The following INAVA variants were observed in gnomAD, a reference collection of about 807,000 sequenced individuals.
The protein encoded by INAVA is innate immunity activator protein.
In INAVA, 32 loss-of-function variants were observed where a neutral mutation model predicts 55.3. The ratio of observed to expected loss-of-function variants is 0.58; its 90% CI spans 0.44 to 0.78. INAVA has a LOEUF of 0.78. Among genes scored for constraint, INAVA ranks in the 30% least tolerant of loss-of-function variants. INAVA has a pLI of 0.00. For synonymous variants in INAVA, 294 were observed against 329.4 expected, an observed-to-expected ratio of 0.89 and a Z score of 1.16; for missense variants, 756 against 786.4, an observed-to-expected ratio of 0.96 and a Z score of 0.46.
At chr1:200,896,022 GCAGT>G (rs1668342020) in intron 1 of INAVA, among the ~76,000 whole-genome samples, 1 of 152,088 alleles carries the variant, frequency 6.6e-6, no homozygotes, top group African/African-American at 2.4e-5. Flanking sequence ...TTTGATGCTG[GCAGT>G]CAGAGACTGG....
chr1:200,896,169 C>T (rs1668346800), intron 1 of INAVA, among the ~76,000 whole-genome samples: 1 of 152,152 alleles, frequency 6.6e-6, no homozygotes, highest in African/African-American at 2.4e-5. Flanking sequence ...GCCCAACTTT[C>T]CAAGGCAACT....
chr1:200,895,466 C>A (rs972625641), intron 1 of INAVA, among the ~76,000 whole-genome samples: 6 of 151,826 alleles, frequency 4.0e-5, no homozygotes, highest in Non-Finnish European at 8.8e-5. Flanking sequence ...GGACATTGTT[C>A]AGCCGGGTGG....
rs909784014 is a variant in INAVA, at chr1:200,908,823, G to T, written c.668G>T (p.Gly223Val). 1 of 1,613,982 alleles carries T rather than the reference G, an allele frequency of 6.2e-7. No individual in the cohort carries two copies. The highest frequency in any genetic ancestry group is 8.5e-7 in the Non-Finnish European group (1 of 1,179,950). The change falls in exon 7 of 10, where the codon GGA becomes GTA. Residue 223 changes from glycine to valine, a missense_variant. By Grantham distance (109) the Gly-to-Val change is moderately radical. Coordinates refer to ENST00000413687, the MANE Select transcript of INAVA (RefSeq NM_001142569.3). ...ACCCTTGAGGGTCTGCAGCCAACAG[G>T]ACCTGAGGCTGGGAGCCCAGAACGG... ...PQTLEGLQPT[G>V]PEAGSPERAP...
chr1:200,905,997 ACTC>A (rs1305456004), intron 5 of INAVA, among the ~76,000 whole-genome samples: 2 of 152,004 alleles, frequency 1.3e-5, no homozygotes, highest in Admixed American at 1.3e-4. Flanking sequence ...ACGTTACTCA[ACTC>A]CTCTGAGACG....
At chr1:200,894,181 C>T (rs1558225599), upstream of INAVA, among the ~76,000 whole-genome samples, 1 of 152,080 alleles carries the variant, frequency 6.6e-6, no homozygotes, top group South Asian at 2.1e-4. Context: ...GACTTAGGGT[C>T]TGGGGTCACA....
intron 5 of INAVA, among the ~76,000 whole-genome samples, chr1:200,904,233 T>G (rs1041208212): frequency 2.0e-5 from 3 of 152,088 alleles, no homozygotes; most frequent in Non-Finnish European, 4.4e-5. Flanking sequence ...GGACTGCAGA[T>G]GCGTGCTGCC....
chr1:200,896,677 G>T (rs555509726), intron 1 of INAVA, among the ~76,000 whole-genome samples: 1 of 152,286 alleles, frequency 6.6e-6, no homozygotes. Flanking sequence ...TGTTTATGTA[G>T]GTCTATAAAA....
chr1:200,908,951 G>A lies in INAVA; in HGVS notation c.785+11G>A. The A allele has an allele frequency of 1.9e-6, 3 of 1,609,882 alleles. No individual in the cohort carries two copies. Among genetic ancestry groups the A allele is most frequent in the Non-Finnish European group, 2.5e-6 (3 of 1,178,124 alleles). The stretch of plus-strand genomic sequence containing the variant: ...CTGGAGCGAGTCCAGGTCAGGATCA[G>A]GGGGAAGGGAGAAGGGCAGGGCAGG... On this transcript the variant is annotated intron_variant, in intron 7 of 9. Coordinates refer to ENST00000413687, the MANE Select transcript of INAVA (RefSeq NM_001142569.3).
intron 5 of INAVA, chr1:200,903,083 G>T (rs1653331498): frequency 6.6e-6 from 1 of 152,236 alleles, no homozygotes; most frequent in African/African-American, 2.4e-5. Context: ...GAGCACAGAA[G>T]GGATCAGTTC....
intron 2 of INAVA, among the ~76,000 whole-genome samples, chr1:200,898,768 A>C (rs1653078865): frequency 1.3e-5 from 2 of 152,348 alleles, no homozygotes; most frequent in South Asian, 4.1e-4. Flanking sequence ...AGGCAGGCAC[A>C]GTGGCTCATG....
chr1:200,899,034 C>T (rs934238716), intron 2 of INAVA, among the ~76,000 whole-genome samples: 1 of 152,162 alleles, frequency 6.6e-6, no homozygotes, highest in African/African-American at 2.4e-5. Flanking sequence ...TTTGGCCAGA[C>T]CTGTGGGCCT....
intron 6 of INAVA, 90 bp from the exon 7 acceptor site, chr1:200,908,640 G>A: frequency 9.0e-7 from 1 of 1,105,364 alleles, no homozygotes; most frequent in Non-Finnish European, 1.3e-6. Context: ...GGGAGGGAGA[G>A]CGGCGAGGCA....
intron 9 of INAVA, among the ~76,000 whole-genome samples, chr1:200,912,410 CTT>C (rs1348030335): frequency 1.3e-5 from 2 of 152,320 alleles, no homozygotes; most frequent in East Asian, 3.9e-4. Context: ...ATAGCTGAGA[CTT>C]TTTCTCTCCC....
At position 200,911,833 on chromosome 1, in the gene INAVA, C is replaced by T. The variant is rs770074469; in HGVS notation, c.1340C>T (p.Pro447Leu). The change falls in exon 9 of 10, where the codon CCT becomes CTT. Residue 447 changes from proline to leucine, a missense_variant. Physicochemically the swap from Pro to Leu is moderately conservative, Grantham distance 98. This residue lies in a region of INAVA where 639 missense variants were observed against 624.3 expected (regional missense o/e 1.02). Coordinates refer to ENST00000413687, the MANE Select transcript of INAVA (RefSeq NM_001142569.3). ...GTGGTGGCTGAGAGCCCCCTGCCGC[C>T]TGGCGAGTGGGAGCTGCGCCGCGCA... ...YVVVAESPLP[P>L]GEWELRRAAP... is the part of the protein sequence containing the mutation. 20 of 1,602,332 alleles carry T rather than the reference C, an allele frequency of 1.2e-5. 2 individuals carry two copies. In the South Asian group the frequency reaches 2.2e-4, roughly 18 times the overall value.
At chr1:200,897,109 A>G (rs1211978601) in intron 1 of INAVA, among the ~76,000 whole-genome samples, 1 of 152,162 alleles carries the variant, frequency 6.6e-6, no homozygotes, top group Non-Finnish European at 1.5e-5. Context: ...CACAGGTGTT[A>G]TCTGGGTGAC....
intron 5 of INAVA, among the ~76,000 whole-genome samples, chr1:200,904,233 T>C (rs1041208212): frequency 6.6e-6 from 1 of 152,088 alleles, no homozygotes; most frequent in East Asian, 1.9e-4. Flanking sequence ...GGACTGCAGA[T>C]GCGTGCTGCC....
intron 9 of INAVA, 87 bp from the exon 10 acceptor site, chr1:200,913,450 G>C (rs1164850561): frequency 1.5e-5 from 15 of 984,760 alleles, no homozygotes; most frequent in Non-Finnish European, 2.1e-5. Context: ...TGTCCCTAAG[G>C]GATAAGGATG....
chr1:200,897,480 C>T (rs1668377195), intron 1 of INAVA, among the ~76,000 whole-genome samples: 1 of 152,200 alleles, frequency 6.6e-6, no homozygotes, highest in African/African-American at 2.4e-5. Context: ...AGTGGGCGTC[C>T]TGGACTTCGG....
chr1:200,900,792 C>G lies in INAVA; in HGVS notation c.298-145C>G, dbSNP rs12093579. On this transcript the variant is annotated intron_variant, in intron 4 of 9. Transcript: ENST00000413687. ...CACTCCTTCACCCTCTGCTCCACGT[C>G]CGTCCATTGGTGCTGCTGTCTGCCT... 1.0e-2 allele frequency: 5,834 copies of G among 586,186 alleles called. 221 individuals are homozygous for G. Among genetic ancestry groups the G allele is most frequent in the African/African-American group, 0.093 (4,915 of 52,706 alleles). 36.3% of individuals were successfully genotyped at this position (586,186 alleles called of 1,614,324 possible). A position where few individuals can be genotyped will look rare whatever the true frequency, so the allele number is the denominator to read the frequency against.
Sources: allele counts gnomAD v4.1 joint callset (sites outside exome capture counted in the v4.1 genomes callset), GRCh38; gene constraint gnomAD v4.1.1; regional missense constraint gnomAD v4.1.1; transcripts MANE v1.5; gene names NCBI Gene and HGNC (gene_info 2026-07-23, HGNC 2026-07-21).